The following EML1 variants were observed in gnomAD, a reference collection of about 807,000 sequenced individuals.
EML1 encodes the protein echinoderm microtubule-associated protein-like 1.
Under a neutral mutation model 110.4 loss-of-function variants are expected in EML1, and 27 were observed. The observed-to-expected ratio is 0.24, with a 90% CI of 0.18 to 0.34. The LOEUF (loss-of-function observed/expected upper bound fraction) is 0.34. Ranked by LOEUF, EML1 falls within the 10% of genes least tolerant of loss-of-function variation. The pLI is 1.00. For missense variants in EML1, 741 were observed against 1,030.9 expected (o/e 0.72, Z 3.85); for synonymous variants, 344 against 385.8 (o/e 0.89, Z 1.27).
chr14:99,928,174 A>G (rs74354701), intron 17 of EML1, among the ~76,000 whole-genome samples: 3 of 360 alleles, frequency 8.3e-3, no homozygotes, highest in Non-Finnish European at 0.012. Context: ...GTGGTGGTGG[A>G]GGTGGTGGTG....
chr14:99,738,946 G>T (rs2057002822), intron 1 of EML1, among the ~76,000 whole-genome samples: 1 of 152,136 alleles, frequency 6.6e-6, no homozygotes, highest in African/African-American at 2.4e-5. Context: ...AGGGTCTCCT[G>T]GGGGGTGTGG....
chr14:99,815,197 A>G (rs1195367465), intron 1 of EML1, among the ~76,000 whole-genome samples: 2 of 138,590 alleles, frequency 1.4e-5, no homozygotes, highest in African/African-American at 5.5e-5. Flanking sequence ...GCTGGAGTGC[A>G]GTGGCGCGAT....
At chr14:99,752,023 C>T (rs8016044) in intron 1 of EML1, among the ~76,000 whole-genome samples, 141,378 of 152,156 alleles carry the variant, frequency 0.93, 66,087 homozygotes, top group East Asian at 1. Context: ...AACCCAAGGC[C>T]GTTTTGCCAG....
chr14:99,910,181 T>A, intron 11 of EML1, 61 bp from the exon 12 acceptor site: 1 of 1,239,258 alleles, frequency 8.1e-7, no homozygotes, highest in East Asian at 2.6e-5. Flanking sequence ...AAAGGTTGTC[T>A]GGAATATATA....
chr14:99,749,792 C>A (rs535169517), intron 1 of EML1, among the ~76,000 whole-genome samples: 17 of 152,278 alleles, frequency 1.1e-4, no homozygotes, highest in African/African-American at 3.8e-4. Context: ...GTGACCCCGA[C>A]ATGTCTACAC....
In EML1 at chr14:99,936,446, C is replaced by T. The variant is rs761550907; in HGVS notation, c.2095+112C>T. 110 of 945,880 alleles carry T rather than the reference C, an allele frequency of 1.2e-4. No homozygotes were observed. Among genetic ancestry groups the T allele is most frequent in the Non-Finnish European group, 1.7e-4 (101 of 611,870 alleles). 58.6% of individuals were successfully genotyped at this position (945,880 alleles called of 1,614,324 possible). A position where few individuals can be genotyped will look rare whatever the true frequency, so the allele number is the denominator to read the frequency against. ...CCTGTATGACTTAGGCACGTGCCATCATCTCTAGGTCATGGTTTCCGCCTC... is the reference window on the plus strand; with the variant it reads ...CCTGTATGACTTAGGCACGTGCCATTATCTCTAGGTCATGGTTTCCGCCTC... On this transcript the variant is annotated intron_variant, in intron 19 of 21. Transcript: ENST00000262233. The surrounding 1 kb of genome is among the most constrained non-coding windows in gnomAD (Gnocchi z 5.5).
At chr14:99,896,932 A>G (rs994186209) in intron 6 of EML1, among the ~76,000 whole-genome samples, 8 of 152,342 alleles carry the variant, frequency 5.3e-5, no homozygotes, top group Middle Eastern at 3.4e-3. Flanking sequence ...GAAAATATGT[A>G]TTCACATTAC....
rs185803605 is a variant in EML1 at position 99,753,657 on chromosome 14, G to A, written c.28+15797G>A. ...TGCGTCTGCCTGATAGACGGTGAGCGTCTGAGGGCAGGGTCGGTGTCTGAG... is the reference window on the plus strand; with the variant it reads ...TGCGTCTGCCTGATAGACGGTGAGCATCTGAGGGCAGGGTCGGTGTCTGAG... On this transcript the variant is annotated intron_variant, in intron 1 of 10. Transcript: ENST00000554479. Among the ~76,000 whole-genome samples, 37 of 152,250 alleles carry A rather than the reference G, an allele frequency of 2.4e-4. No homozygotes were observed. The East Asian group carries it at 6.0e-3, about 25-fold the overall frequency.
At chr14:99,850,127 C>T in intron 1 of EML1, 1 of 363,844 alleles carries the variant, frequency 2.7e-6, no homozygotes, top group Middle Eastern at 8.8e-4. Context: ...TTTGTAGAGG[C>T]AGAGTTTTGT....
At position 99,905,171 on chromosome 14, in the gene EML1, T is replaced by C. The variant is rs530337619; in HGVS notation, c.1009-2467T>C. On this transcript the variant is annotated intron_variant, in intron 9 of 21. Coordinates refer to ENST00000262233, the MANE Select transcript of EML1 (RefSeq NM_004434.3). This position sits in a 1 kb window ranked among gnomAD's most constrained non-coding sequence, Gnocchi z 4.1. ...GATCCAGCTGGCTGCACCACAGCCC[T>C]AGGGGCCAAGCCACATCATAAAGGA... Among the ~76,000 whole-genome samples, 137 of 152,304 alleles carry C rather than the reference T, an allele frequency of 9.0e-4. 3 individuals are homozygous for C. In the South Asian group the frequency reaches 0.025, roughly 28 times the overall value.
intron 1 of EML1, among the ~76,000 whole-genome samples, chr14:99,846,137 G>A (rs2058703985): frequency 6.6e-6 from 1 of 151,808 alleles, no homozygotes; most frequent in Non-Finnish European, 1.5e-5. Context: ...TATCCAGGAA[G>A]CAGAAGTTAC....
At chr14:99,800,800 T>C (rs2057861373) in intron 1 of EML1, among the ~76,000 whole-genome samples, 1 of 152,262 alleles carries the variant, frequency 6.6e-6, no homozygotes, top group Non-Finnish European at 1.5e-5. Context: ...AGTCATTTAT[T>C]TATTCTGCCA....
chr14:99,749,342 C>G (rs980063332), intron 1 of EML1, among the ~76,000 whole-genome samples: 15 of 152,174 alleles, frequency 9.9e-5, no homozygotes, highest in African/African-American at 2.4e-4. Flanking sequence ...TCTCGCCCCC[C>G]CAGCCATCCT....
rs79961528 is a variant in EML1 at position 99,857,329 on chromosome 14, C to T, written c.250+6294C>T. On this transcript the variant is annotated intron_variant, in intron 2 of 21. Coordinates refer to ENST00000262233, the MANE Select transcript of EML1 (RefSeq NM_004434.3). ...AATAAAGTCTATAATACCATTATTA[C>T]ACTTAAAAATTAATAATTTCTTAAT... Among the ~76,000 whole-genome samples, 81 of 152,192 alleles carry T rather than the reference C, an allele frequency of 5.3e-4. No individual in the cohort carries two copies. The East Asian group carries it at 0.015, about 28-fold the overall frequency.
intron 1 of EML1, among the ~76,000 whole-genome samples, chr14:99,766,128 C>T (rs897949918): frequency 6.7e-6 from 1 of 148,778 alleles, no homozygotes; most frequent in Non-Finnish European, 1.5e-5. Context: ...TGAGTCTCTG[C>T]TTTCTATTCT....
chr14:99,868,679 T>C (rs529285065), intron 3 of EML1, among the ~76,000 whole-genome samples: 1 of 152,174 alleles, frequency 6.6e-6, no homozygotes, highest in Non-Finnish European at 1.5e-5. Context: ...CTAATTTTAG[T>C]TATTTAAATT....
At chr14:99,870,362 C>T (rs932260305) in intron 3 of EML1, among the ~76,000 whole-genome samples, 1 of 152,138 alleles carries the variant, frequency 6.6e-6, no homozygotes, top group African/African-American at 2.4e-5. Context: ...GGGAAGATGC[C>T]CTCTCCATAA....
intron 1 of EML1, among the ~76,000 whole-genome samples, chr14:99,825,165 T>G (rs1566884509): frequency 6.6e-6 from 1 of 152,120 alleles, no homozygotes; most frequent in Non-Finnish European, 1.5e-5. Flanking sequence ...TGTATTGTTT[T>G]GTAGAGATGG....
intron 2 of EML1, among the ~76,000 whole-genome samples, chr14:99,856,872 ACTACCCCTCACCC>A (rs2139850183): frequency 6.6e-6 from 1 of 152,302 alleles, no homozygotes; most frequent in Admixed American, 6.5e-5. Context: ...ACCCTCTCCC[ACTACCCCTCACCC>A]CATATTGGAT....
Sources: gnomAD v4.1 joint callset for allele counts (sites outside exome capture counted in the v4.1 genomes callset) on GRCh38, gnomAD v4.1.1 for gene constraint, Gnocchi (gnomAD v3.1) non-coding constraint, MANE v1.5 for transcripts, NCBI Gene and HGNC (gene_info 2026-07-23, HGNC 2026-07-21) for gene names.